The following SPATA17 variants were observed in gnomAD, a reference collection of about 807,000 sequenced individuals.
SPATA17 encodes the protein spermatogenesis associated 17.
SPATA17 carries 53 observed loss-of-function variants against 62.2 expected under a neutral mutation model. The observed-to-expected ratio is 0.85, with a 90% CI of 0.68 to 1.07. The LOEUF (loss-of-function observed/expected upper bound fraction) is 1.07, where lower values mean the gene tolerates loss of function less well. SPATA17 is among the 50% of genes least tolerant of loss of function. The pLI is 0.00. For missense variants in SPATA17, 466 were observed against 425.5 expected (o/e 1.10, Z -0.84); for synonymous variants, 146 against 146.8 (o/e 0.99, Z 0.04).
At chr1:217,651,229 AACTTACTC>A in intron 3 of SPATA17, 51 bp downstream of exon 3, 2 of 1,372,292 alleles carry the variant, frequency 1.5e-6, no homozygotes, top group Non-Finnish European at 2.0e-6. Flanking sequence ...AATATGCTGT[AACTTACTC>A]ACTTTAGTCA....
chr1:217,870,922 GATAA>G lies in SPATA17; in HGVS notation c.*3909_*3912del, dbSNP rs1485947012. 1.3e-5 allele frequency: 2 copies of G among 152,130 alleles called. No individual in the cohort carries two copies. Among genetic ancestry groups the G allele is most frequent in the Admixed American group, 1.3e-4 (2 of 15,258 alleles). The allele number at this position is 152,130 out of a possible 1,614,324, so 9.4% of individuals were successfully genotyped here. A position where few individuals can be genotyped will look rare whatever the true frequency, so the allele number is the denominator to read the frequency against. On this transcript the variant is annotated 3_prime_UTR_variant, in exon 11 of 11. Transcript: ENST00000366933. ...AGTGAAATCCATCGAATGTGCTAAT[GATAA>G]ATAAAGAAGTTCAAAAAAATCTTTT...
At chr1:217,724,698 GT>G (rs1209211541) in intron 5 of SPATA17, among the ~76,000 whole-genome samples, 5 of 152,090 alleles carry the variant, frequency 3.3e-5, no homozygotes, top group African/African-American at 4.8e-5. Context: ...TTATACTTTT[GT>G]TAATAATTTC....
chr1:217,792,544 C>G (rs910512432), intron 8 of SPATA17, among the ~76,000 whole-genome samples: 1 of 152,130 alleles, frequency 6.6e-6, no homozygotes, highest in Admixed American at 6.5e-5. Flanking sequence ...AGTTACCACC[C>G]AGGCCTAATT....
chr1:217,765,373 T>C (rs1399234156), intron 6 of SPATA17, among the ~76,000 whole-genome samples: 3 of 151,820 alleles, frequency 2.0e-5, no homozygotes, highest in Non-Finnish European at 4.4e-5. Context: ...TTATTGATTT[T>C]ATATATTTTT....
intron 9 of SPATA17, among the ~76,000 whole-genome samples, chr1:217,818,554 T>C (rs927134194): frequency 6.6e-6 from 1 of 151,982 alleles, no homozygotes; most frequent in African/African-American, 2.4e-5. Flanking sequence ...TATCTAAATA[T>C]AGAAAAATTA....
At position 217,804,366 on chromosome 1, in the gene SPATA17, A is replaced by T. The variant is rs147630231; in HGVS notation, c.1005+2516A>T. Among the ~76,000 whole-genome samples the T allele has an allele frequency of 7.3e-3, 1,118 of 152,332 alleles. 14 individuals are homozygous for T. The highest frequency in any genetic ancestry group is 8.9e-3 in the Non-Finnish European group (605 of 68,026). On this transcript the variant is annotated intron_variant, in intron 9 of 10. Transcript: ENST00000366933. ...TGTATATCCACTGCAGAAGAATGAA[A>T]GTGGATCCTTATCTCACACCATATG...
chr1:217,766,747 T>C (rs570593881), intron 6 of SPATA17, among the ~76,000 whole-genome samples: 1 of 151,826 alleles, frequency 6.6e-6, no homozygotes, highest in East Asian at 1.9e-4. Context: ...TCTTGTCTTT[T>C]CTCAACTCTT....
chr1:217,860,578 T>C (rs769098222), intron 9 of SPATA17, among the ~76,000 whole-genome samples: 18 of 152,174 alleles, frequency 1.2e-4, no homozygotes, highest in Admixed American at 2.0e-4. Context: ...GCTAGGCACT[T>C]TATTACTATA....
intron 9 of SPATA17, among the ~76,000 whole-genome samples, chr1:217,823,117 A>AT (rs1674906790): frequency 6.6e-6 from 1 of 151,758 alleles, no homozygotes; most frequent in African/African-American, 2.4e-5. Flanking sequence ...TTTAAAGTGC[A>AT]TTTTTTCAGA....
intron 3 of SPATA17, among the ~76,000 whole-genome samples, chr1:217,657,861 T>G (rs910629777): frequency 1.3e-5 from 2 of 152,168 alleles, no homozygotes; most frequent in African/African-American, 4.8e-5. Context: ...AGAAAAAGTT[T>G]AATGGACTCA....
chr1:217,753,960 C>T (rs1469394489), intron 6 of SPATA17, among the ~76,000 whole-genome samples: 2 of 152,106 alleles, frequency 1.3e-5, no homozygotes, highest in Non-Finnish European at 2.9e-5. Flanking sequence ...ATTGGCCCAG[C>T]ACAGTGTCTC....
rs1676107342 is a variant in SPATA17 at position 217,870,442 on chromosome 1, G to C, written c.*3423G>C. On this transcript the variant is annotated 3_prime_UTR_variant, in exon 11 of 11. Transcript: ENST00000366933. ...GTCCAGATGAGTAAAAACTGCCTTT[G>C]CATTAAGGTGAGAGAAGACCGAGAT... 2 of 152,104 alleles carry C rather than the reference G, an allele frequency of 1.3e-5. No homozygotes were observed. Among genetic ancestry groups the C allele is most frequent in the Non-Finnish European group, 2.9e-5 (2 of 68,020 alleles). 9.4% of individuals were successfully genotyped at this position (152,104 alleles called of 1,614,324 possible).
chr1:217,641,022 T>G (rs1670050217), intron 1 of SPATA17, among the ~76,000 whole-genome samples: 1 of 152,124 alleles, frequency 6.6e-6, no homozygotes, highest in Non-Finnish European at 1.5e-5. Flanking sequence ...CAGGTACTTA[T>G]TTGTGAAATA....
intron 9 of SPATA17, among the ~76,000 whole-genome samples, chr1:217,848,526 G>A (rs1310117960): frequency 6.6e-6 from 1 of 152,046 alleles, no homozygotes; most frequent in Admixed American, 6.6e-5. Context: ...ATTCCCTGGA[G>A]TTATTACTTA....
At chr1:217,659,462 TTTAAAGGAATTTTTTA>T (rs1463797549) in intron 3 of SPATA17, among the ~76,000 whole-genome samples, 1 of 152,094 alleles carries the variant, frequency 6.6e-6, no homozygotes, top group East Asian at 1.9e-4. Context: ...TTAATATATT[TTTAAAGGAATTTTTTA>T]CTTAAAAATA....
intron 6 of SPATA17, among the ~76,000 whole-genome samples, chr1:217,763,115 C>T (rs1277429530): frequency 6.6e-6 from 1 of 152,212 alleles, no homozygotes; most frequent in South Asian, 2.1e-4. Context: ...TGAGAACCCA[C>T]AACTTATCAT....
At chr1:217,781,329 T>A (rs1301116991) in intron 7 of SPATA17, 1 of 152,206 alleles carries the variant, frequency 6.6e-6, no homozygotes, top group Non-Finnish European at 1.5e-5. Flanking sequence ...TGATTAGAAA[T>A]CTTTGTCCAT....
At chr1:217,803,120 G>C (rs12143360) in intron 9 of SPATA17, among the ~76,000 whole-genome samples, 30,844 of 152,106 alleles carry the variant, frequency 0.2, 3,675 homozygotes, top group East Asian at 0.49. Context: ...CACCCTGTTA[G>C]CCACGATGGT....
chr1:217,661,481 TC>T (rs1292603251), intron 3 of SPATA17, among the ~76,000 whole-genome samples: 6 of 152,158 alleles, frequency 3.9e-5, no homozygotes, highest in African/African-American at 1.4e-4. Context: ...GCTTATCAAG[TC>T]CTAAAGAGTC....
Sources: gnomAD v4.1 joint callset for allele counts (sites outside exome capture counted in the v4.1 genomes callset) on GRCh38, gnomAD v4.1.1 for gene constraint, MANE v1.5 for transcripts, NCBI Gene and HGNC (gene_info 2026-07-23, HGNC 2026-07-21) for gene names.